WWTR1: variants seen among roughly 807,000 people sequenced by gnomAD.
The protein encoded by WWTR1 is WW domain containing transcription regulator 1.
In WWTR1, 13 loss-of-function variants were observed where a neutral mutation model predicts 40.1. That is an observed-to-expected ratio of 0.32 (90% CI 0.21 to 0.52). The LOEUF (loss-of-function observed/expected upper bound fraction) is 0.52. Ranked by LOEUF, WWTR1 falls within the 20% of genes least tolerant of loss-of-function variation. The pLI is 0.97. For missense variants in WWTR1, 436 were observed against 523.1 expected, an observed-to-expected ratio of 0.83 and a Z score of 1.63; for synonymous variants, 230 against 210.1, an observed-to-expected ratio of 1.09 and a Z score of -0.82.
chr3:149,581,158 G>C (rs1738138754), intron 2 of WWTR1, among the ~76,000 whole-genome samples: 1 of 152,024 alleles, frequency 6.6e-6, no homozygotes, highest in African/African-American at 2.4e-5. Context: ...TTTGTCCCAA[G>C]GCAGCTTTTA....
intron 2 of WWTR1, among the ~76,000 whole-genome samples, chr3:149,625,306 G>A (rs1026830542): frequency 1.3e-5 from 2 of 151,272 alleles, no homozygotes; most frequent in Non-Finnish European, 2.9e-5. Flanking sequence ...TTTTAGTAGA[G>A]CTTGGGTTTC....
At chr3:149,624,076 T>C (rs1349271622) in intron 2 of WWTR1, among the ~76,000 whole-genome samples, 1 of 152,202 alleles carries the variant, frequency 6.6e-6, no homozygotes, top group East Asian at 1.9e-4. Context: ...CCATGACCAC[T>C]TCCATTGAGG....
upstream of WWTR1, among the ~76,000 whole-genome samples, chr3:149,706,202 CAAAAGAAAAAATAA>C (rs1018147700): frequency 2.7e-4 from 40 of 149,728 alleles, no homozygotes; most frequent in African/African-American, 9.4e-4. Flanking sequence ...GACTCTGTCT[CAAAAGAAAAAATAA>C]AAAAGAAAAA....
chr3:149,604,358 A>G (rs925769558), intron 2 of WWTR1, among the ~76,000 whole-genome samples: 2 of 152,194 alleles, frequency 1.3e-5, no homozygotes, highest in Non-Finnish European at 2.9e-5. Flanking sequence ...TTAAGGGCAC[A>G]TGACTTGGCT....
At chr3:149,669,199 A>G (rs1463544952) in intron 2 of WWTR1, among the ~76,000 whole-genome samples, 1 of 152,218 alleles carries the variant, frequency 6.6e-6, no homozygotes, top group African/African-American at 2.4e-5. Context: ...CACATATACA[A>G]GAACAATACA....
intron 2 of WWTR1, among the ~76,000 whole-genome samples, chr3:149,606,622 C>T (rs555190352): frequency 2.8e-4 from 43 of 152,236 alleles, no homozygotes; most frequent in African/African-American, 1.0e-3. Flanking sequence ...TAGGCTCATT[C>T]AAACCAAGTG....
intron 3 of WWTR1, among the ~76,000 whole-genome samples, chr3:149,559,130 C>G (rs1204663646): frequency 6.6e-6 from 1 of 151,816 alleles, no homozygotes; most frequent in East Asian, 1.9e-4. Flanking sequence ...CCCATCTCTA[C>G]TAAAAATACA....
chr3:149,591,891 A>AG (rs147684756), intron 2 of WWTR1, among the ~76,000 whole-genome samples: 14,123 of 152,186 alleles, frequency 0.093, 660 homozygotes, highest in East Asian at 0.11. Flanking sequence ...ACATTGCGGG[A>AG]GGGGGTAGGA....
intron 3 of WWTR1, among the ~76,000 whole-genome samples, chr3:149,548,885 G>A (rs1736488622): frequency 6.6e-6 from 1 of 152,112 alleles, no homozygotes; most frequent in Non-Finnish European, 1.5e-5. Flanking sequence ...TTAAGTGAAT[G>A]GGTAAGGCCT....
chr3:149,545,614 C>T (rs750434342), intron 3 of WWTR1, among the ~76,000 whole-genome samples: 3 of 152,102 alleles, frequency 2.0e-5, no homozygotes, highest in Non-Finnish European at 4.4e-5. Context: ...CTCTGCCTCC[C>T]GGTTTCAAGA....
chr3:149,679,077 C>T (rs1046242035), intron 1 of WWTR1, among the ~76,000 whole-genome samples: 1 of 152,066 alleles, frequency 6.6e-6, no homozygotes, highest in African/African-American at 2.4e-5. Context: ...GTGATCTGCC[C>T]GCCTTGGCCT....
chr3:149,699,398 A>G (rs905661455), intron 1 of WWTR1, among the ~76,000 whole-genome samples: 1 of 149,908 alleles, frequency 6.7e-6, no homozygotes, highest in African/African-American at 2.5e-5. Context: ...AGTTCAAGTG[A>G]TTCTCCTGCC....
chr3:149,551,116 G>A lies in WWTR1; in HGVS notation c.569-8579C>T, dbSNP rs1286875263. Among the ~76,000 whole-genome samples the A allele has an allele frequency of 1.4e-5, 2 of 144,054 alleles. 1 individual carries two copies. Among genetic ancestry groups the A allele is most frequent in the African/African-American group, 5.3e-5 (2 of 37,710 alleles). 94.5% of individuals were successfully genotyped at this position (144,054 alleles called of 152,430 possible). On this transcript the variant is annotated intron_variant, in intron 3 of 6. Coordinates refer to ENST00000360632, the MANE Select transcript of WWTR1 (RefSeq NM_015472.6). The stretch of plus-strand genomic sequence containing the variant: ...AGTTTGAGACCAGCCTGACCAACAT[G>A]GAGAAACCCCATCTCTATTAAAAAT...
At chr3:149,573,688 A>C (rs557542414) in intron 2 of WWTR1, among the ~76,000 whole-genome samples, 1 of 152,216 alleles carries the variant, frequency 6.6e-6, no homozygotes, top group Non-Finnish European at 1.5e-5. Flanking sequence ...TGAGGCATGA[A>C]GGTTTACAAG....
intron 1 of WWTR1, among the ~76,000 whole-genome samples, chr3:149,681,400 T>C (rs760658601): frequency 6.6e-6 from 1 of 152,208 alleles, no homozygotes; most frequent in Non-Finnish European, 1.5e-5. Context: ...TACCTCATTG[T>C]GGTTTTGATT....
intron 2 of WWTR1, among the ~76,000 whole-genome samples, chr3:149,669,513 A>G (rs1011501235): frequency 9.2e-5 from 14 of 152,232 alleles, no homozygotes; most frequent in Non-Finnish European, 4.4e-5. Context: ...GGTCCCCAGT[A>G]CTAGAGTCCA....
At chr3:149,654,178 G>C (rs1458528912) in intron 2 of WWTR1, among the ~76,000 whole-genome samples, 1 of 151,942 alleles carries the variant, frequency 6.6e-6, no homozygotes, top group Admixed American at 6.6e-5. Flanking sequence ...TAGATGGCAA[G>C]TAAAGTAATA....
rs778009877 is a variant in WWTR1 at position 149,527,868 on chromosome 3, G to C, written c.873C>G (p.Ile291Met). 20 of 1,613,994 alleles carry C rather than the reference G, an allele frequency of 1.2e-5. No homozygotes were observed. The highest frequency in any genetic ancestry group is 1.5e-5 in the Non-Finnish European group (18 of 1,180,028). The change falls in exon 5 of 7, where the codon ATC becomes ATG. Residue 291 changes from isoleucine (I) to methionine (M), a missense_variant. Ile to Met is a conservative substitution (Grantham distance 10, BLOSUM62 1). Transcript: ENST00000360632. Reference sequence around the variant, plus strand: ...GGAAAGGATCTGAGCTATTATTAGTGATGGATCTCATGTCTGGGGTCATCG... The same window carrying C: ...GGAAAGGATCTGAGCTATTATTAGTCATGGATCTCATGTCTGGGGTCATCG... ...PPTMTPDMRSITNNSSDPFLN... is the reference protein window; with the variant it reads ...PPTMTPDMRSMTNNSSDPFLN...
chr3:149,682,134 A>C (rs1576639000), intron 1 of WWTR1, among the ~76,000 whole-genome samples: 1 of 152,184 alleles, frequency 6.6e-6, no homozygotes, highest in East Asian at 1.9e-4. Context: ...AGACTGATCC[A>C]CCATCTTCCA....
Sources: gnomAD v4.1 joint callset for allele counts (sites outside exome capture counted in the v4.1 genomes callset) on GRCh38, gnomAD v4.1.1 for gene constraint, MANE v1.5 for transcripts, NCBI Gene and HGNC (gene_info 2026-07-23, HGNC 2026-07-21) for gene names.